The following EPS8 variants were observed in gnomAD, a reference collection of about 807,000 sequenced individuals.
The protein encoded by EPS8 is epidermal growth factor receptor kinase substrate 8.
A neutral mutation model predicts 103.8 loss-of-function variants in EPS8; 42 were observed. The ratio of observed to expected loss-of-function variants is 0.40; its 90% CI spans 0.32 to 0.52. The LOEUF is 0.52. Among genes scored for constraint, EPS8 ranks in the 20% least tolerant of loss-of-function variants. The pLI is 0.40. For synonymous variants in EPS8, 344 were observed against 344.6 expected (o/e 1.00, Z 0.02); for missense variants, 969 against 1,005.1 (o/e 0.96, Z 0.49).
rs1266005518 is a variant in EPS8, at chr12:15,713,418, T to G, written c.-21-30446A>C. 1 of 152,248 alleles carries G rather than the reference T, an allele frequency of 6.6e-6. No individual in the cohort carries two copies. Among genetic ancestry groups the G allele is most frequent in the Non-Finnish European group, 1.5e-5 (1 of 68,042 alleles). 9.4% of individuals were successfully genotyped at this position (152,248 alleles called of 1,614,324 possible). A position where few individuals can be genotyped will look rare whatever the true frequency, so the allele number is the denominator to read the frequency against. The stretch of plus-strand genomic sequence containing the variant: ...CCTGATGCTAAACCAAAGCCAGAAC[T>G]GATGGCCAAAATAGTAAGCACAAAA... On this transcript the variant is annotated intron_variant, in intron 1 of 20. Transcript: ENST00000281172. The surrounding 1 kb of genome is among the most constrained non-coding windows in gnomAD (Gnocchi z 4.8).
At position 15,620,561 on chromosome 12, in the gene EPS8, A is replaced by G. The variant is rs1421917933; in HGVS notation, c.*756T>C. On this transcript the variant is annotated 3_prime_UTR_variant, in exon 21 of 21. Transcript: ENST00000281172. Reference sequence around the variant, plus strand: ...AAAATACTGTAATGCACACCAATGCAGACTACTTCCTTTGCTAGATTTTGA... The same window carrying G: ...AAAATACTGTAATGCACACCAATGCGGACTACTTCCTTTGCTAGATTTTGA... 2 of 152,666 alleles carry G rather than the reference A, an allele frequency of 1.3e-5. No individual in the cohort carries two copies. The highest frequency in any genetic ancestry group is 2.9e-5 in the Non-Finnish European group (2 of 68,054). The allele number at this position is 152,666 out of a possible 1,614,324, so 9.5% of individuals were successfully genotyped here.
chr12:15,656,009 T>C (rs1945502010), intron 12 of EPS8, among the ~76,000 whole-genome samples: 1 of 152,210 alleles, frequency 6.6e-6, no homozygotes. Flanking sequence ...AAAGCAGAGA[T>C]ACTAAACATT....
intron 3 of EPS8, among the ~76,000 whole-genome samples, chr12:15,671,540 A>G (rs1945818155): frequency 6.6e-6 from 1 of 152,140 alleles, no homozygotes; most frequent in African/African-American, 2.4e-5. Flanking sequence ...GAAAAACAAG[A>G]AAGTCAGGTA....
At chr12:15,732,850 G>A (rs1946732103) in intron 1 of EPS8, 2 of 605,986 alleles carry the variant, frequency 3.3e-6, no homozygotes, top group South Asian at 1.5e-4. Context: ...CATTGTTAAG[G>A]CTTTGAATAC....
intron 17 of EPS8, among the ~76,000 whole-genome samples, chr12:15,639,506 T>C (rs898564404): frequency 2.6e-5 from 4 of 152,198 alleles, no homozygotes; most frequent in African/African-American, 7.2e-5. Context: ...AATATATATA[T>C]GCACATGAGG....
chr12:15,634,023 A>T (rs1004400056), intron 17 of EPS8, among the ~76,000 whole-genome samples: 3 of 152,202 alleles, frequency 2.0e-5, no homozygotes, highest in Non-Finnish European at 4.4e-5. Context: ...AATGATTCCA[A>T]CGTATCTCAG....
At chr12:15,668,307 TTATC>T (rs1431059582) in intron 6 of EPS8, among the ~76,000 whole-genome samples, 3 of 152,198 alleles carry the variant, frequency 2.0e-5, no homozygotes, top group African/African-American at 7.2e-5. Flanking sequence ...CAATCTTACT[TTATC>T]TATCATCTTT....
rs565702317 is a variant in EPS8, at chr12:15,626,782, C to A, written c.2045-2375G>T. Among the ~76,000 whole-genome samples, 206 of 152,228 alleles carry A rather than the reference C, an allele frequency of 1.4e-3. 1 individual carries two copies. The highest frequency in any genetic ancestry group is 4.7e-3 in the African/African-American group (197 of 41,542). ...ACTCTTCTGGAGCCCTTCACTCTTG[C>A]TCCCAATGGCTCCCTTGGTGCTCTT... On this transcript the variant is annotated intron_variant, in intron 18 of 20. Coordinates refer to ENST00000281172, the MANE Select transcript of EPS8 (RefSeq NM_004447.6).
chr12:15,764,382 A>C lies in EPS8; in HGVS notation c.-22+24779T>G, dbSNP rs1353922178. On this transcript the variant is annotated intron_variant, in intron 1 of 20. Transcript: ENST00000281172. This position sits in a 1 kb window ranked among gnomAD's most constrained non-coding sequence, Gnocchi z 4.1. ...AATCAGTCAAGTTAGAAGGAGCTGA[A>C]TGACAAGTCAAGAGACAATCTGTTC... Among the ~76,000 whole-genome samples, 2 of 152,232 alleles carry C rather than the reference A, an allele frequency of 1.3e-5. No individual in the cohort carries two copies. Among genetic ancestry groups the C allele is most frequent in the East Asian group, 1.9e-4 (1 of 5,194 alleles).
Position 15,767,150 on chromosome 12 carries a change from T to TA in EPS8, c.-22+22010dup, listed in dbSNP as rs765287280. Reference sequence around the variant, plus strand: ...CAAGAGATTGCATGACTACTTCTAATATTCTACTCAAAAAATAACTGTATG... The same window carrying TA: ...CAAGAGATTGCATGACTACTTCTAATAATTCTACTCAAAAAATAACTGTATG... On this transcript the variant is annotated intron_variant, in intron 1 of 20. Transcript: ENST00000281172. This position sits in a 1 kb window ranked among gnomAD's most constrained non-coding sequence, Gnocchi z 5.5. 1.8e-4 allele frequency among the ~76,000 whole-genome samples: 28 copies of TA among 152,332 alleles called. No individual in the cohort carries two copies. The highest frequency in any genetic ancestry group is 6.8e-3 in the Middle Eastern group (2 of 294).
chr12:15,650,747 A>C, intron 14 of EPS8, 76 bp downstream of exon 14: 1 of 1,203,376 alleles, frequency 8.3e-7, no homozygotes, highest in Non-Finnish European at 1.2e-6. Context: ...TAAAATGAGA[A>C]CTTGCAATCA....
rs190642625 is a variant in EPS8, at chr12:15,651,734, A to T, written c.1251-728T>A. ...ATATGTTGCTTCATCTTTCATATTT[A>T]ATTCTTCATGTTATAGTTCTACTAT... On this transcript the variant is annotated intron_variant, in intron 13 of 20. Transcript: ENST00000281172. 9.2e-5 allele frequency among the ~76,000 whole-genome samples: 14 copies of T among 152,298 alleles called. 1 individual carries two copies. Among genetic ancestry groups the T allele is most frequent in the Admixed American group, 9.2e-4 (14 of 15,292 alleles).
chr12:15,624,656 T>C (rs1944916393), intron 18 of EPS8, among the ~76,000 whole-genome samples: 1 of 152,250 alleles, frequency 6.6e-6, no homozygotes, highest in South Asian at 2.1e-4. Context: ...AACCTAACTT[T>C]CTGCGTATTC....
chr12:15,699,062 C>T (rs775307639), intron 1 of EPS8, among the ~76,000 whole-genome samples: 2 of 152,314 alleles, frequency 1.3e-5, no homozygotes, highest in African/African-American at 2.4e-5. Context: ...ACCGATGTGA[C>T]TGCCCCTGCA....
rs1946930253 is a variant in EPS8 at position 15,751,430 on chromosome 12, T to C, written c.-22+37731A>G. The stretch of plus-strand genomic sequence containing the variant: ...CGCCACTGATCCCAACATTTATTCA[T>C]TCATTTTGCCAAAACTATATGGCAC... On this transcript the variant is annotated intron_variant, in intron 1 of 20. Transcript: ENST00000281172. This position sits in a 1 kb window ranked among gnomAD's most constrained non-coding sequence, Gnocchi z 4.3. 6.6e-6 allele frequency among the ~76,000 whole-genome samples: 1 copy of C among 152,182 alleles called. No individual in the cohort carries two copies. Among genetic ancestry groups the C allele is most frequent in the Non-Finnish European group, 1.5e-5 (1 of 68,032 alleles).
chr12:15,692,607 C>A (rs1420823422), intron 1 of EPS8, among the ~76,000 whole-genome samples: 1 of 151,962 alleles, frequency 6.6e-6, no homozygotes, highest in African/African-American at 2.4e-5. Flanking sequence ...GGGAAATTTT[C>A]TTTTGCTATT....
intron 8 of EPS8, among the ~76,000 whole-genome samples, chr12:15,664,794 T>C (rs1190163596): frequency 6.6e-6 from 1 of 152,226 alleles, no homozygotes; most frequent in East Asian, 1.9e-4. Context: ...GTTCATCAGA[T>C]TGGAGCCTGC....
At chr12:15,737,894 C>T (rs1946782100) in intron 1 of EPS8, among the ~76,000 whole-genome samples, 1 of 151,976 alleles carries the variant, frequency 6.6e-6, no homozygotes, top group African/African-American at 2.4e-5. Flanking sequence ...GCTCTATATT[C>T]CTCAGGTGTT....
In EPS8 at chr12:15,749,755, T is replaced by C; in HGVS notation, c.-22+39406A>G. On this transcript the variant is annotated intron_variant, in intron 1 of 20. Coordinates refer to ENST00000281172, the MANE Select transcript of EPS8 (RefSeq NM_004447.6). This position sits in a 1 kb window ranked among gnomAD's most constrained non-coding sequence, Gnocchi z 4.0. ...AAATATAAAATTAAGTGATTACATG[T>C]TGAGATTATAGATATTTTCTTCTTT... 6.6e-6 allele frequency among the ~76,000 whole-genome samples: 1 copy of C among 152,220 alleles called. No individual in the cohort carries two copies. Among genetic ancestry groups the C allele is most frequent in the East Asian group, 1.9e-4 (1 of 5,202 alleles).
Sources: gnomAD v4.1 joint callset for allele counts (sites outside exome capture counted in the v4.1 genomes callset) on GRCh38, gnomAD v4.1.1 for gene constraint, Gnocchi (gnomAD v3.1) non-coding constraint, MANE v1.5 for transcripts, NCBI Gene and HGNC (gene_info 2026-07-23, HGNC 2026-07-21) for gene names.